The following SPOCK1 variants were observed in gnomAD, a reference collection of about 807,000 sequenced individuals.
SPOCK1 encodes SPARC (osteonectin), cwcv and kazal like domains proteoglycan 1, also known as testican-1.
SPOCK1 carries 23 observed loss-of-function variants against 55.3 expected under a neutral mutation model. The observed-to-expected ratio is 0.42, with a 90% CI of 0.30 to 0.59. The LOEUF (loss-of-function observed/expected upper bound fraction) is 0.59, where lower values mean the gene tolerates loss of function less well. Ranked by LOEUF, SPOCK1 falls within the 20% of genes least tolerant of loss-of-function variation. The pLI is 0.22. For synonymous variants in SPOCK1, 226 were observed against 221.0 expected (o/e 1.02, Z -0.20); for missense variants, 499 against 552.5 (o/e 0.90, Z 0.97).
intron 4 of SPOCK1, among the ~76,000 whole-genome samples, chr5:137,135,591 C>T (rs1429077860): frequency 1.3e-5 from 2 of 152,180 alleles, no homozygotes; most frequent in Non-Finnish European, 2.9e-5. Flanking sequence ...TTAACTGTCT[C>T]CCAAAGGGTC....
intron 3 of SPOCK1, among the ~76,000 whole-genome samples, chr5:137,264,980 G>T (rs891744552): frequency 2.6e-5 from 4 of 152,172 alleles, no homozygotes; most frequent in African/African-American, 9.7e-5. Flanking sequence ...AAAGTCATAA[G>T]GTTTTCTGGG....
chr5:137,488,237 C>T (rs1487071208), intron 2 of SPOCK1, among the ~76,000 whole-genome samples: 3 of 152,010 alleles, frequency 2.0e-5, no homozygotes, highest in South Asian at 4.1e-4. Context: ...ATTAGCTGGG[C>T]GTGGTGGCGC....
intron 5 of SPOCK1, among the ~76,000 whole-genome samples, chr5:137,111,231 GGGAGCATGACAAGAA>G (rs1391206708): frequency 6.6e-6 from 1 of 152,040 alleles, no homozygotes; most frequent in Non-Finnish European, 1.5e-5. Context: ...TCTGTGCAGT[GGGAGCATGACAAGAA>G]GGAGGTCCCA....
intron 2 of SPOCK1, among the ~76,000 whole-genome samples, chr5:137,409,190 G>T (rs943326076): frequency 1.3e-5 from 2 of 152,216 alleles, no homozygotes; most frequent in Admixed American, 6.5e-5. Context: ...CTCAAAGGGG[G>T]TTTTCCCTTT....
chr5:137,099,313 T>C (rs1196305975), intron 5 of SPOCK1, among the ~76,000 whole-genome samples: 1 of 152,172 alleles, frequency 6.6e-6, no homozygotes, highest in Non-Finnish European at 1.5e-5. Flanking sequence ...ATACATACTT[T>C]TTAAACGGCT....
chr5:137,434,442 AT>A (rs1220539720), intron 2 of SPOCK1, among the ~76,000 whole-genome samples: 4 of 136,964 alleles, frequency 2.9e-5, no homozygotes, highest in African/African-American at 5.5e-5. Context: ...CTTAAAAGTG[AT>A]TGAGAAAAAG....
At chr5:137,193,826 C>T (rs554698897) in intron 3 of SPOCK1, among the ~76,000 whole-genome samples, 8 of 152,242 alleles carry the variant, frequency 5.3e-5, no homozygotes, top group African/African-American at 1.9e-4. Context: ...CGTCTGGCTG[C>T]CCCAGAGAAG....
At chr5:137,131,993 T>C (rs58086659) in intron 4 of SPOCK1, among the ~76,000 whole-genome samples, 1 of 32,744 alleles carries the variant, frequency 3.1e-5, no homozygotes, top group Non-Finnish European at 4.8e-5. Context: ...AAAAAAAATA[T>C]ATATATATAT....
At chr5:137,292,662 T>C (rs1311001154) in intron 2 of SPOCK1, among the ~76,000 whole-genome samples, 1 of 152,164 alleles carries the variant, frequency 6.6e-6, no homozygotes, top group Non-Finnish European at 1.5e-5. Flanking sequence ...GACGCATCTT[T>C]AAGATTTTCC....
chr5:137,106,656 G>A (rs1281109358), intron 5 of SPOCK1, among the ~76,000 whole-genome samples: 1 of 151,980 alleles, frequency 6.6e-6, no homozygotes, highest in Non-Finnish European at 1.5e-5. Context: ...CTCACACCAG[G>A]CCCAGATGAT....
intron 6 of SPOCK1, among the ~76,000 whole-genome samples, chr5:137,031,182 C>T (rs929989824): frequency 1.3e-5 from 2 of 152,080 alleles, no homozygotes; most frequent in African/African-American, 4.8e-5. Context: ...CCACATTATC[C>T]CTGACTTGGA....
At chr5:137,116,135 T>C (rs1467774862) in intron 4 of SPOCK1, among the ~76,000 whole-genome samples, 4 of 152,168 alleles carry the variant, frequency 2.6e-5, no homozygotes, top group Non-Finnish European at 2.9e-5. Context: ...TCCTGCAGGC[T>C]GATGGCACCA....
chr5:137,285,139 G>GAC (rs1031460083), intron 2 of SPOCK1, among the ~76,000 whole-genome samples: 1 of 152,216 alleles, frequency 6.6e-6, no homozygotes, highest in Admixed American at 6.5e-5. Context: ...GTTGCTCGCA[G>GAC]ACACACACAC....
At chr5:137,378,773 G>A (rs553740892) in intron 2 of SPOCK1, among the ~76,000 whole-genome samples, 1 of 152,354 alleles carries the variant, frequency 6.6e-6, no homozygotes, top group East Asian at 1.9e-4. Context: ...CTAGCAACAG[G>A]ATCACTTACA....
chr5:137,233,968 T>C (rs1433785325), intron 3 of SPOCK1, among the ~76,000 whole-genome samples: 1 of 152,130 alleles, frequency 6.6e-6, no homozygotes, highest in East Asian at 1.9e-4. Context: ...CATTCTTGCC[T>C]TGTTCTTCAA....
intron 2 of SPOCK1, among the ~76,000 whole-genome samples, chr5:137,475,870 G>A (rs1016358054): frequency 2.6e-5 from 4 of 151,946 alleles, no homozygotes; most frequent in South Asian, 2.1e-4. Context: ...CACCAAACTC[G>A]GCCTAAAGGG....
chr5:137,216,021 G>C (rs1383603273), intron 3 of SPOCK1, among the ~76,000 whole-genome samples: 1 of 152,176 alleles, frequency 6.6e-6, no homozygotes, highest in Non-Finnish European at 1.5e-5. Flanking sequence ...AAATGATCCA[G>C]GGGGCATACC....
intron 3 of SPOCK1, among the ~76,000 whole-genome samples, chr5:137,176,133 C>G (rs1235943252): frequency 6.6e-6 from 1 of 152,174 alleles, no homozygotes; most frequent in Non-Finnish European, 1.5e-5. Flanking sequence ...ATTAAAACTA[C>G]CAACCCTCTT....
intron 2 of SPOCK1, among the ~76,000 whole-genome samples, chr5:137,406,554 CCTT>C (rs1426196259): frequency 6.6e-6 from 1 of 152,168 alleles, no homozygotes; most frequent in Non-Finnish European, 1.5e-5. Flanking sequence ...AAGCTTCTGC[CCTT>C]CTACTTAGAA....
Sources: allele counts gnomAD v4.1 joint callset (sites outside exome capture counted in the v4.1 genomes callset), GRCh38; gene constraint gnomAD v4.1.1; transcripts MANE v1.5; gene names NCBI Gene and HGNC (gene_info 2026-07-23, HGNC 2026-07-21).